Variants in FRMD3 observed in about 807,000 individuals in gnomAD.
FRMD3 encodes FERM domain containing 3, also known as FERM domain-containing protein 3.
FRMD3 carries 33 observed loss-of-function variants against 70.2 expected under a neutral mutation model. That is an observed-to-expected ratio of 0.47 (90% CI 0.36 to 0.63). The LOEUF (loss-of-function observed/expected upper bound fraction) is 0.63, where lower values mean the gene tolerates loss of function less well. Ranked by LOEUF, FRMD3 falls within the 20% of genes least tolerant of loss-of-function variation. The pLI is 0.00. For synonymous variants in FRMD3, 279 were observed against 255.9 expected (o/e 1.09, Z -0.86); for missense variants, 632 against 711.4 (o/e 0.89, Z 1.27).
intron 1 of FRMD3, among the ~76,000 whole-genome samples, chr9:83,441,392 A>T (rs1827290622): frequency 6.6e-6 from 1 of 152,194 alleles, no homozygotes; most frequent in Admixed American, 6.5e-5. Context: ...AGTTATTTAG[A>T]CTTAAAAGGA....
chr9:83,515,780 A>G (rs1297055237), intron 1 of FRMD3, among the ~76,000 whole-genome samples: 2 of 152,196 alleles, frequency 1.3e-5, no homozygotes. Flanking sequence ...CTTGGCAGAA[A>G]CCCCACAAGC....
At chr9:83,558,877 A>G in the FRMD3 span, among the ~76,000 whole-genome samples, 46 of 152,330 alleles carry the variant, frequency 3.0e-4, no homozygotes, top group African/African-American at 1.1e-3. Context: ...AGGAAATAGC[A>G]AGAGAACTAG....
chr9:83,423,599 T>C lies in FRMD3; in HGVS notation c.148-33891A>G, dbSNP rs1826709826. Among the ~76,000 whole-genome samples the C allele has an allele frequency of 2.2e-5, 3 of 135,738 alleles. No individual in the cohort carries two copies. In the South Asian group the frequency reaches 7.8e-4, roughly 35 times the overall value. 89.0% of individuals were successfully genotyped at this position (135,738 alleles called of 152,430 possible). ...TAGCCCTGTTTCTTTTTTTTTTTTT[T>C]TTTTTTTTTTTTTTGAGATGGAGTT... On this transcript the variant is annotated intron_variant, in intron 1 of 13. Coordinates refer to ENST00000304195, the MANE Select transcript of FRMD3 (RefSeq NM_174938.6).
intron 1 of FRMD3, among the ~76,000 whole-genome samples, chr9:83,508,407 T>C (rs915042417): frequency 2.0e-5 from 3 of 152,208 alleles, no homozygotes; most frequent in Non-Finnish European, 2.9e-5. Flanking sequence ...CATACTTTAC[T>C]GTATGCACAT....
At chr9:83,465,036 AAAAG>A (rs200862353) in intron 1 of FRMD3, among the ~76,000 whole-genome samples, 4 of 45,352 alleles carry the variant, frequency 8.8e-5, no homozygotes, top group Non-Finnish European at 1.1e-4. Context: ...AAAAAAAAAA[AAAAG>A]AAGAAGAAGC....
intron 1 of FRMD3, among the ~76,000 whole-genome samples, chr9:83,491,624 C>A (rs915225772): frequency 6.6e-6 from 1 of 152,196 alleles, no homozygotes; most frequent in Admixed American, 6.5e-5. Flanking sequence ...AGCAACTCCA[C>A]AGGTTTTGGT....
chr9:83,378,173 G>A (rs1277114453), intron 2 of FRMD3, among the ~76,000 whole-genome samples: 2 of 152,036 alleles, frequency 1.3e-5, no homozygotes, highest in Admixed American at 6.6e-5. Context: ...AATAAGCACT[G>A]GCTGTTACCA....
chr9:83,583,257 T>A, the FRMD3 span, among the ~76,000 whole-genome samples: 3 of 152,228 alleles, frequency 2.0e-5, no homozygotes, highest in South Asian at 6.2e-4. Context: ...CTACATTTCA[T>A]TTTGGAAAAC....
intron 1 of FRMD3, among the ~76,000 whole-genome samples, chr9:83,446,224 G>A (rs1027939374): frequency 5.9e-5 from 9 of 152,158 alleles, no homozygotes; most frequent in African/African-American, 1.9e-4. Flanking sequence ...AGCTTGCCGG[G>A]AGATGAAGTG....
chr9:83,568,951 G>GATACATACATACATACATAC, the FRMD3 span, among the ~76,000 whole-genome samples: 3 of 114,528 alleles, frequency 2.6e-5, no homozygotes, highest in African/African-American at 1.1e-4. Context: ...TAGATAGATA[G>GATACATACATACATACATAC]ATAGATACAT....
At chr9:83,507,036 A>G (rs1370913701) in intron 1 of FRMD3, among the ~76,000 whole-genome samples, 1 of 152,200 alleles carries the variant, frequency 6.6e-6, no homozygotes, top group African/African-American at 2.4e-5. Flanking sequence ...TTCAGAGGCA[A>G]TAACACGCAT....
At chr9:83,466,823 T>C (rs1396499407) in intron 1 of FRMD3, among the ~76,000 whole-genome samples, 1 of 152,204 alleles carries the variant, frequency 6.6e-6, no homozygotes, top group Non-Finnish European at 1.5e-5. Flanking sequence ...GGAGGTTAAC[T>C]ACAAAAGGTC....
rs769386472 is a variant in FRMD3, at chr9:83,349,618, G to A, written c.374+61C>T. On this transcript the variant is annotated intron_variant, in intron 4 of 13. Transcript: ENST00000304195. ...GACAGGAGGCCCATCTAGCCTGCAA[G>A]ACCAAAGAGATTCTGGCTGGTTAAA... 8.1e-5 allele frequency: 102 copies of A among 1,256,430 alleles called. No homozygotes were observed. The Middle Eastern group carries it at 9.2e-4, about 11-fold the overall frequency. 77.8% of individuals were successfully genotyped at this position (1,256,430 alleles called of 1,614,324 possible).
the FRMD3 span, among the ~76,000 whole-genome samples, chr9:83,571,037 T>C: frequency 1.3e-5 from 2 of 152,196 alleles, no homozygotes; most frequent in Non-Finnish European, 2.9e-5. Flanking sequence ...ATGTAAGTCA[T>C]ATGGACTAGT....
intron 4 of FRMD3, among the ~76,000 whole-genome samples, chr9:83,345,036 C>T (rs948703107): frequency 1.3e-5 from 2 of 152,152 alleles, no homozygotes; most frequent in African/African-American, 4.8e-5. Flanking sequence ...ACGCTGTCAA[C>T]CCCAGAGCAC....
chr9:83,243,058 T>A (rs1425753481), downstream of FRMD3: 1 of 749,024 alleles, frequency 1.3e-6, no homozygotes, highest in East Asian at 2.7e-5. Flanking sequence ...TAAGCAAGGT[T>A]CCTTTCTTCT....
In FRMD3 at chr9:83,264,434, T is replaced by A. The variant is rs73479731; in HGVS notation, c.1196-15918A>T. Among the ~76,000 whole-genome samples the A allele has an allele frequency of 5.3e-3, 813 of 152,260 alleles. 8 individuals carry two copies. Among genetic ancestry groups the A allele is most frequent in the African/African-American group, 0.019 (774 of 41,552 alleles). ...ACCCACAGAATGTACACCACCAAGG[T>A]GAACCCTAACGCAAACGATCAACTT... On this transcript the variant is annotated intron_variant, in intron 13 of 13. Coordinates refer to ENST00000304195, the MANE Select transcript of FRMD3 (RefSeq NM_174938.6).
At chr9:83,340,359 T>C (rs1823715678) in intron 5 of FRMD3, among the ~76,000 whole-genome samples, 1 of 152,142 alleles carries the variant, frequency 6.6e-6, no homozygotes, top group Non-Finnish European at 1.5e-5. Flanking sequence ...TAAGAGGAAA[T>C]GCACAATAAG....
intron 13 of FRMD3, among the ~76,000 whole-genome samples, chr9:83,252,957 G>A (rs1832500506): frequency 6.6e-6 from 1 of 152,168 alleles, no homozygotes; most frequent in East Asian, 1.9e-4. Flanking sequence ...GACAATATTA[G>A]ATAGATCATG....
Sources: allele counts gnomAD v4.1 joint callset (sites outside exome capture counted in the v4.1 genomes callset), GRCh38; gene constraint gnomAD v4.1.1; transcripts MANE v1.5; gene names NCBI Gene and HGNC (gene_info 2026-07-23, HGNC 2026-07-21).